The following HSD17B12 variants were observed in gnomAD, a reference collection of about 807,000 sequenced individuals.
HSD17B12 encodes very-long-chain 3-oxoacyl-CoA reductase.
HSD17B12 carries 32 observed loss-of-function variants against 39.3 expected under a neutral mutation model. The ratio of observed to expected loss-of-function variants is 0.81; its 90% CI spans 0.61 to 1.09. HSD17B12 has a LOEUF of 1.09. Ranked by LOEUF, HSD17B12 falls within the 50% of genes least tolerant of loss-of-function variation. The probability of loss-of-function intolerance (pLI) is 0.00; values close to 1 mark genes in which losing one functional copy is unlikely to be tolerated. For synonymous variants in HSD17B12, 150 were observed against 146.7 expected, an observed-to-expected ratio of 1.02 and a Z score of -0.16; for missense variants, 342 against 382.9, an observed-to-expected ratio of 0.89 and a Z score of 0.89.
In HSD17B12 at chr11:43,837,647, G is replaced by C. The variant is rs1951384181; in HGVS notation, c.537-670G>C. Among the ~76,000 whole-genome samples, 3 of 152,168 alleles carry C rather than the reference G, an allele frequency of 2.0e-5. No homozygotes were observed. The South Asian group carries it at 6.2e-4, about 32-fold the overall frequency. On this transcript the variant is annotated intron_variant, in intron 7 of 10. Coordinates refer to ENST00000278353, the MANE Select transcript of HSD17B12 (RefSeq NM_016142.3). ...TGCCTTTTGGCAAAAGACACAGTTT[G>C]ATGAACTAGAGTCACATAATTTTAG...
At chr11:43,637,445 T>G in the HSD17B12 span, among the ~76,000 whole-genome samples, 6 of 152,246 alleles carry the variant, frequency 3.9e-5, no homozygotes, top group African/African-American at 1.4e-4. Context: ...GGTCTCGAAC[T>G]CCTGACCTCA....
chr11:43,824,434 T>G (rs577051792), intron 6 of HSD17B12, among the ~76,000 whole-genome samples: 1 of 152,340 alleles, frequency 6.6e-6, no homozygotes, highest in African/African-American at 2.4e-5. Flanking sequence ...GAGCATAAAC[T>G]TATTTCTCAG....
chr11:43,614,959 C>A, the HSD17B12 span, among the ~76,000 whole-genome samples: 2 of 151,938 alleles, frequency 1.3e-5, no homozygotes, highest in Admixed American at 1.3e-4. Flanking sequence ...CTTTTTATTG[C>A]TTTTTCTCCC....
At position 43,768,543 on chromosome 11, in the gene HSD17B12, G is replaced by A. The variant is rs750441463; in HGVS notation, c.283+14422G>A. Among the ~76,000 whole-genome samples the A allele has an allele frequency of 2.9e-4, 44 of 151,962 alleles. 1 individual carries two copies. Among genetic ancestry groups the A allele is most frequent in the Admixed American group, 2.9e-3 (44 of 15,256 alleles). On this transcript the variant is annotated intron_variant, in intron 3 of 10. Transcript: ENST00000278353. Reference sequence around the variant, plus strand: ...AGGTTCCCCTTGAGTGTTATATAGCGCTTAAAGATGGTGTGTCCAGAGTTT... The same window carrying A: ...AGGTTCCCCTTGAGTGTTATATAGCACTTAAAGATGGTGTGTCCAGAGTTT...
intron 1 of HSD17B12, among the ~76,000 whole-genome samples, chr11:43,749,674 G>A (rs186358744): frequency 6.6e-6 from 1 of 151,050 alleles, no homozygotes. Context: ...TATCAGCTAA[G>A]CAAGAACATG....
At chr11:43,649,391 A>G in the HSD17B12 span, among the ~76,000 whole-genome samples, 3 of 152,208 alleles carry the variant, frequency 2.0e-5, no homozygotes, top group African/African-American at 7.2e-5. Flanking sequence ...AAAAGGAAGC[A>G]TATAAAGTAA....
intron 4 of HSD17B12, among the ~76,000 whole-genome samples, chr11:43,810,500 C>T (rs1385848645): frequency 2.0e-5 from 3 of 151,646 alleles, no homozygotes; most frequent in East Asian, 1.9e-4. Context: ...CCGAGGAGAG[C>T]GTAGCTAAGC....
chr11:43,685,150 G>A (rs1949786637), intron 1 of HSD17B12, among the ~76,000 whole-genome samples: 1 of 152,184 alleles, frequency 6.6e-6, no homozygotes, highest in Non-Finnish European at 1.5e-5. Context: ...TCTCTAAGAT[G>A]TAGCTTCTGG....
intron 1 of HSD17B12, among the ~76,000 whole-genome samples, chr11:43,690,386 ATATATATATATATATATATTTT>A (rs1949846773): frequency 9.7e-5 from 1 of 10,310 alleles, no homozygotes; most frequent in Admixed American, 1.3e-3. Context: ...ATATATATAT[ATATATATATATATATATATTTT>A]TTTTTTTTTT....
upstream of HSD17B12, chr11:43,680,612 A>C: frequency 1.7e-6 from 1 of 572,106 alleles, no homozygotes; most frequent in East Asian, 3.1e-5. Flanking sequence ...GGGGCAGTGG[A>C]ACTGGAGTCA....
the HSD17B12 span, among the ~76,000 whole-genome samples, chr11:43,621,301 C>T: frequency 6.6e-6 from 1 of 152,178 alleles, no homozygotes; most frequent in Admixed American, 6.5e-5. Flanking sequence ...AGCAAAGGGA[C>T]TGTGGTCACT....
At chr11:43,644,277 G>A in the HSD17B12 span, 3 of 152,462 alleles carry the variant, frequency 2.0e-5, no homozygotes, top group Non-Finnish European at 2.9e-5. Context: ...AGGGAGTTGA[G>A]GGTTTCTGCC....
intron 1 of HSD17B12, among the ~76,000 whole-genome samples, chr11:43,706,724 T>TGTGTTG (rs1204580097): frequency 9.1e-4 from 73 of 80,336 alleles, no homozygotes; most frequent in African/African-American, 3.2e-3. Context: ...GTGTGTGTTG[T>TGTGTTG]GGGGGGTGGG....
At chr11:43,782,983 A>G (rs1020422207) in intron 3 of HSD17B12, among the ~76,000 whole-genome samples, 2 of 152,202 alleles carry the variant, frequency 1.3e-5, no homozygotes, top group African/African-American at 4.8e-5. Flanking sequence ...AAAAGTGCAT[A>G]TCCTGAATCT....
At chr11:43,741,245 A>G (rs989875737) in intron 1 of HSD17B12, among the ~76,000 whole-genome samples, 3 of 152,208 alleles carry the variant, frequency 2.0e-5, no homozygotes, top group African/African-American at 4.8e-5. Flanking sequence ...ATTGAAACTG[A>G]TGGTCCTTTA....
At chr11:43,600,520 T>C in the HSD17B12 span, among the ~76,000 whole-genome samples, 4 of 152,302 alleles carry the variant, frequency 2.6e-5, no homozygotes, top group East Asian at 5.8e-4. Flanking sequence ...TTTTCCTTTG[T>C]AGATTATTTA....
the HSD17B12 span, among the ~76,000 whole-genome samples, chr11:43,665,407 C>CAGGATCCCACTATGTTGCCCAT: frequency 2.0e-4 from 30 of 152,242 alleles, no homozygotes; most frequent in Admixed American, 1.6e-3. Context: ...TTTGTAGAGA[C>CAGGATCCCACTATGTTGCCCAT]AGGATCCCAC....
At chr11:43,776,657 G>A (rs1378212637) in intron 3 of HSD17B12, among the ~76,000 whole-genome samples, 1 of 152,178 alleles carries the variant, frequency 6.6e-6, no homozygotes, top group East Asian at 1.9e-4. Context: ...TGCTTTTGGT[G>A]TTTTAGACAT....
chr11:43,709,766 T>C (rs546693785), intron 1 of HSD17B12, among the ~76,000 whole-genome samples: 1 of 152,344 alleles, frequency 6.6e-6, no homozygotes, highest in Admixed American at 6.5e-5. Flanking sequence ...ATGAATTGAC[T>C]ATGACTCCCC....
Sources: allele counts gnomAD v4.1 joint callset (sites outside exome capture counted in the v4.1 genomes callset), GRCh38; gene constraint gnomAD v4.1.1; transcripts MANE v1.5; gene names NCBI Gene and HGNC (gene_info 2026-07-23, HGNC 2026-07-21).